The following KCNIP4 variants were observed in gnomAD, a reference collection of about 807,000 sequenced individuals.
KCNIP4 encodes the protein Kv channel-interacting protein 4.
A neutral mutation model predicts 34.0 loss-of-function variants in KCNIP4; 12 were observed. The ratio of observed to expected loss-of-function variants is 0.35; its 90% CI spans 0.23 to 0.57. The LOEUF is 0.57. Among genes scored for constraint, KCNIP4 ranks in the 20% least tolerant of loss-of-function variants. The pLI is 0.83. For synonymous variants in KCNIP4, 124 were observed against 102.2 expected (o/e 1.21, Z -1.29); for missense variants, 238 against 311.7 (o/e 0.76, Z 1.78).
At chr4:21,398,259 G>A (rs1013419525) in intron 1 of KCNIP4, among the ~76,000 whole-genome samples, 2 of 152,164 alleles carry the variant, frequency 1.3e-5, no homozygotes, top group African/African-American at 2.4e-5. Context: ...AAGAGGAGAC[G>A]TTGCCTTTCT....
chr4:20,788,447 T>C (rs1712292454), intron 3 of KCNIP4, among the ~76,000 whole-genome samples: 1 of 152,170 alleles, frequency 6.6e-6, no homozygotes, highest in South Asian at 2.1e-4. Flanking sequence ...TAGCCCAGCC[T>C]GTCTTTGCAG....
intron 1 of KCNIP4, among the ~76,000 whole-genome samples, chr4:21,097,471 G>T (rs530611231): frequency 6.6e-6 from 1 of 152,168 alleles, no homozygotes; most frequent in East Asian, 1.9e-4. Context: ...AGGAGTCAAT[G>T]GGAGTCATTC....
At chr4:21,802,843 C>G (rs1214583820) in intron 1 of KCNIP4, among the ~76,000 whole-genome samples, 1 of 152,108 alleles carries the variant, frequency 6.6e-6, no homozygotes, top group Non-Finnish European at 1.5e-5. Flanking sequence ...AAAATTGCAC[C>G]CCAACTTTCA....
chr4:21,902,447 C>T (rs1001645674), intron 1 of KCNIP4, among the ~76,000 whole-genome samples: 1 of 151,564 alleles, frequency 6.6e-6, no homozygotes, highest in South Asian at 2.1e-4. Context: ...TATAAAAGAA[C>T]GTGGTGGTCT....
At chr4:21,414,437 T>A (rs1379636530) in intron 1 of KCNIP4, among the ~76,000 whole-genome samples, 1 of 152,028 alleles carries the variant, frequency 6.6e-6, no homozygotes, top group Non-Finnish European at 1.5e-5. Context: ...AAAAGACAAG[T>A]GTTGACAAAG....
At position 21,822,906 on chromosome 4, in the gene KCNIP4, C is replaced by T. The variant is rs1012727723; in HGVS notation, c.61+125665G>A. ...CTAATTTTTGTAGTTTTAGTAGAGACAGGGGTTTCACCATGTTGGCCAGGC... is the reference window on the plus strand; with the variant it reads ...CTAATTTTTGTAGTTTTAGTAGAGATAGGGGTTTCACCATGTTGGCCAGGC... On this transcript the variant is annotated intron_variant, in intron 1 of 8. Coordinates refer to ENST00000382152, the MANE Select transcript of KCNIP4 (RefSeq NM_025221.6). Among the ~76,000 whole-genome samples the T allele has an allele frequency of 5.9e-5, 9 of 151,674 alleles. No individual in the cohort carries two copies. The East Asian group carries it at 9.8e-4, about 16-fold the overall frequency.
At chr4:21,575,508 C>CT (rs11418969) in intron 1 of KCNIP4, among the ~76,000 whole-genome samples, 133,263 of 152,076 alleles carry the variant, frequency 0.88, 58,686 homozygotes, top group East Asian at 0.99. Flanking sequence ...TTATCTTTTC[C>CT]TTCCCCTCCC....
chr4:21,245,291 C>A (rs1157471947), intron 1 of KCNIP4, among the ~76,000 whole-genome samples: 2 of 152,188 alleles, frequency 1.3e-5, no homozygotes, highest in Admixed American at 6.5e-5. Context: ...CTTAGGCCTT[C>A]ACTTCCTGCC....
At chr4:21,865,832 C>A (rs1725379978) in intron 1 of KCNIP4, among the ~76,000 whole-genome samples, 1 of 151,776 alleles carries the variant, frequency 6.6e-6, no homozygotes, top group African/African-American at 2.4e-5. Context: ...CATGAGCCAC[C>A]ATTTGTAGGT....
At chr4:21,331,490 GTCA>G (rs1324349816) in intron 1 of KCNIP4, among the ~76,000 whole-genome samples, 5 of 152,234 alleles carry the variant, frequency 3.3e-5, no homozygotes, top group African/African-American at 9.6e-5. Flanking sequence ...TGCACAAGGA[GTCA>G]TCTATTTCCT....
At chr4:20,815,328 G>C (rs1716244280) in intron 3 of KCNIP4, among the ~76,000 whole-genome samples, 1 of 152,128 alleles carries the variant, frequency 6.6e-6, no homozygotes, top group Non-Finnish European at 1.5e-5. Flanking sequence ...AGTGGCAGCT[G>C]TCATTTAAGA....
intron 1 of KCNIP4, among the ~76,000 whole-genome samples, chr4:20,953,572 C>T (rs1733003418): frequency 6.6e-6 from 1 of 152,102 alleles, no homozygotes; most frequent in Non-Finnish European, 1.5e-5. Flanking sequence ...GTCCCGGCTA[C>T]TTGAGAGGCT....
intron 1 of KCNIP4, among the ~76,000 whole-genome samples, chr4:21,257,177 CT>C (rs1761115234): frequency 6.6e-6 from 1 of 152,084 alleles, no homozygotes; most frequent in African/African-American, 2.4e-5. Flanking sequence ...ATGGGAAAGA[CT>C]AAAAAAGGCA....
chr4:21,773,058 G>T (rs1042967728), intron 1 of KCNIP4, among the ~76,000 whole-genome samples: 8 of 152,102 alleles, frequency 5.3e-5, no homozygotes, highest in South Asian at 2.1e-4. Context: ...GGTGTTTAGT[G>T]CTGTAAATTT....
chr4:20,798,040 T>C (rs140687817), intron 3 of KCNIP4, among the ~76,000 whole-genome samples: 68 of 152,346 alleles, frequency 4.5e-4, no homozygotes, highest in African/African-American at 1.5e-3. Flanking sequence ...GCTTGGATCC[T>C]ACCCAAATAG....
chr4:21,480,699 A>ACAT (rs1378847048), intron 1 of KCNIP4, among the ~76,000 whole-genome samples: 2 of 152,236 alleles, frequency 1.3e-5, no homozygotes, highest in Non-Finnish European at 2.9e-5. Flanking sequence ...TCTATAAAAC[A>ACAT]CATAGAATAT....
At chr4:21,520,295 C>T (rs947406616) in intron 1 of KCNIP4, among the ~76,000 whole-genome samples, 3 of 152,098 alleles carry the variant, frequency 2.0e-5, no homozygotes, top group Non-Finnish European at 2.9e-5. Flanking sequence ...CATCACAAGG[C>T]CCCTCACCAG....
At chr4:21,195,036 G>C (rs1362375938) in intron 1 of KCNIP4, among the ~76,000 whole-genome samples, 1 of 152,130 alleles carries the variant, frequency 6.6e-6, no homozygotes, top group Non-Finnish European at 1.5e-5. Flanking sequence ...TTCTCAAAGG[G>C]AAACTTCTCT....
chr4:21,318,562 G>A (rs969797395), intron 1 of KCNIP4, among the ~76,000 whole-genome samples: 1 of 152,038 alleles, frequency 6.6e-6, no homozygotes, highest in African/African-American at 2.4e-5. Flanking sequence ...TTTTTTGAGA[G>A]TTATGCATTG....
Sources: allele counts gnomAD v4.1 joint callset (sites outside exome capture counted in the v4.1 genomes callset), GRCh38; gene constraint gnomAD v4.1.1; transcripts MANE v1.5; gene names NCBI Gene and HGNC (gene_info 2026-07-23, HGNC 2026-07-21).